Variants in GRIN2B observed in about 807,000 individuals in gnomAD.
GRIN2B encodes glutamate receptor ionotropic, NMDA 2B.
Under a neutral mutation model 114.5 loss-of-function variants are expected in GRIN2B, and 5 were observed. The ratio of observed to expected loss-of-function variants is 0.04; its 90% CI spans 0.02 to 0.09. The LOEUF (loss-of-function observed/expected upper bound fraction) is 0.09. Ranked by LOEUF, GRIN2B falls within the 10% of genes least tolerant of loss-of-function variation. The pLI, the probability that GRIN2B is intolerant of heterozygous loss-of-function variation, is 1.00. For missense variants in GRIN2B, 1,108 were observed against 1,943.5 expected, an observed-to-expected ratio of 0.57 and a Z score of 8.08; for synonymous variants, 787 against 745.1, an observed-to-expected ratio of 1.06 and a Z score of -0.92.
At chr12:13,740,496 T>C (rs1227399434) in intron 4 of GRIN2B, among the ~76,000 whole-genome samples, 3 of 151,964 alleles carry the variant, frequency 2.0e-5, no homozygotes, top group African/African-American at 7.3e-5. Flanking sequence ...CATTTTCTTT[T>C]TTTTTTTTTT....
chr12:13,664,452 T>C (rs1204061482), intron 5 of GRIN2B, among the ~76,000 whole-genome samples: 1 of 152,150 alleles, frequency 6.6e-6, no homozygotes, highest in African/African-American at 2.4e-5. Context: ...AATATATGTA[T>C]CAAAAAATTC....
intron 4 of GRIN2B, among the ~76,000 whole-genome samples, chr12:13,680,864 A>G (rs760028390): frequency 6.6e-6 from 1 of 152,110 alleles, no homozygotes; most frequent in Non-Finnish European, 1.5e-5. Flanking sequence ...AACAAAATCT[A>G]TCTTAGATGA....
intron 3 of GRIN2B, among the ~76,000 whole-genome samples, chr12:13,845,383 C>T (rs969443518): frequency 1.3e-5 from 2 of 152,088 alleles, no homozygotes; most frequent in African/African-American, 4.8e-5. Flanking sequence ...TCATATCCTC[C>T]CTCCCTACCC....
chr12:13,641,753 C>G (rs546507098), intron 5 of GRIN2B, among the ~76,000 whole-genome samples: 3 of 152,246 alleles, frequency 2.0e-5, no homozygotes, highest in African/African-American at 7.2e-5. Flanking sequence ...TAGGCAGGTG[C>G]TTTAATGAAG....
Position 13,542,039 on chromosome 12 carries a change from C to T in GRIN2B, c.*20744G>A, listed in dbSNP as rs1363305162. 1 of 152,156 alleles carries T rather than the reference C, an allele frequency of 6.6e-6. No individual in the cohort carries two copies. Among genetic ancestry groups the T allele is most frequent in the Non-Finnish European group, 1.5e-5 (1 of 68,044 alleles). The allele number at this position is 152,156 out of a possible 1,614,324, so 9.4% of individuals were successfully genotyped here. A position where few individuals can be genotyped will look rare whatever the true frequency, so the allele number is the denominator to read the frequency against. ...CTCACTTACCCCCTTTTCATGCAGC[C>T]CCACTCAGAGTCCTTTTCTTTCTAA... On this transcript the variant is annotated 3_prime_UTR_variant, in exon 14 of 14. Transcript: ENST00000609686.
chr12:13,672,542 C>G (rs569742766), intron 5 of GRIN2B, among the ~76,000 whole-genome samples: 1 of 152,132 alleles, frequency 6.6e-6, no homozygotes, highest in South Asian at 2.1e-4. Context: ...TGCAATCTCA[C>G]CACAACCCAG....
intron 3 of GRIN2B, among the ~76,000 whole-genome samples, chr12:13,844,979 G>A (rs1591763748): frequency 6.6e-6 from 1 of 152,156 alleles, no homozygotes; most frequent in African/African-American, 2.4e-5. Flanking sequence ...TTTCCAGTAT[G>A]AATTTCTGCT....
At chr12:13,915,345 C>T (rs2136804883) in intron 2 of GRIN2B, among the ~76,000 whole-genome samples, 1 of 152,322 alleles carries the variant, frequency 6.6e-6, no homozygotes, top group South Asian at 2.1e-4. Flanking sequence ...TCTTCACTAG[C>T]TATGTTTCGA....
At chr12:13,959,799 T>G (rs1288319690) in intron 2 of GRIN2B, among the ~76,000 whole-genome samples, 6 of 150,418 alleles carry the variant, frequency 4.0e-5, no homozygotes, top group African/African-American at 1.5e-4. Flanking sequence ...CTTCACCATT[T>G]CCAATATTGG....
chr12:13,686,714 T>G (rs1170501630), intron 4 of GRIN2B, among the ~76,000 whole-genome samples: 1 of 152,134 alleles, frequency 6.6e-6, no homozygotes, highest in African/African-American at 2.4e-5. Context: ...ACCCTTGTAA[T>G]CTTTGCTTTT....
chr12:13,847,218 AT>A (rs1865486375), intron 3 of GRIN2B, among the ~76,000 whole-genome samples: 2 of 152,178 alleles, frequency 1.3e-5, no homozygotes, highest in African/African-American at 4.8e-5. Context: ...AAAAATTTAT[AT>A]TATTATTCCT....
At chr12:13,762,061 T>A (rs1296909118) in intron 3 of GRIN2B, among the ~76,000 whole-genome samples, 2 of 152,158 alleles carry the variant, frequency 1.3e-5, no homozygotes, top group Non-Finnish European at 2.9e-5. Context: ...TGGAGTGCAG[T>A]GGTGCAATCT....
Position 13,927,784 on chromosome 12 carries a change from A to G in GRIN2B, c.-19+52144T>C, listed in dbSNP as rs148484132. Among the ~76,000 whole-genome samples, 1,037 of 150,596 alleles carry G rather than the reference A, an allele frequency of 6.9e-3. 8 individuals are homozygous for G. The highest frequency in any genetic ancestry group is 0.024 in the African/African-American group (993 of 40,904). On this transcript the variant is annotated intron_variant, in intron 2 of 13. Transcript: ENST00000609686. The stretch of plus-strand genomic sequence containing the variant: ...GCCTGGGCTACATAATGAGACCCCC[A>G]TCTCTACAAAAAAAATAAAAATTAA...
chr12:13,950,173 T>C (rs1018291275), intron 2 of GRIN2B, among the ~76,000 whole-genome samples: 1 of 152,224 alleles, frequency 6.6e-6, no homozygotes, highest in East Asian at 1.9e-4. Context: ...TATGGAAGAA[T>C]AGCCAGTCAA....
At chr12:13,692,428 A>T (rs1052724725) in intron 4 of GRIN2B, among the ~76,000 whole-genome samples, 3 of 152,132 alleles carry the variant, frequency 2.0e-5, no homozygotes, top group Non-Finnish European at 2.9e-5. Context: ...GTTTCCTTAC[A>T]TTGATGAGAA....
intron 3 of GRIN2B, among the ~76,000 whole-genome samples, chr12:13,856,745 C>T (rs1236023580): frequency 6.6e-6 from 1 of 152,138 alleles, no homozygotes; most frequent in African/African-American, 2.4e-5. Context: ...CAGGGTTCTG[C>T]CCTTGACCCA....
At chr12:13,929,465 C>G (rs1248626523) in intron 2 of GRIN2B, among the ~76,000 whole-genome samples, 1 of 152,198 alleles carries the variant, frequency 6.6e-6, no homozygotes, top group Non-Finnish European at 1.5e-5. Context: ...TAGTCTCAGC[C>G]CAGATCCAAT....
At chr12:13,641,694 G>C (rs561976048) in intron 5 of GRIN2B, among the ~76,000 whole-genome samples, 244 of 152,216 alleles carry the variant, frequency 1.6e-3, no homozygotes, top group South Asian at 0.011. Context: ...ATCCAGGACT[G>C]AGCCCTGTGC....
At chr12:13,637,076 G>A (rs11055560) in intron 5 of GRIN2B, among the ~76,000 whole-genome samples, 35,685 of 152,030 alleles carry the variant, frequency 0.23, 5,355 homozygotes, top group Middle Eastern at 0.42. Flanking sequence ...ATGAGTAGGT[G>A]GGCATAAGAG....
Sources: gnomAD v4.1 joint callset for allele counts (sites outside exome capture counted in the v4.1 genomes callset) on GRCh38, gnomAD v4.1.1 for gene constraint, MANE v1.5 for transcripts, NCBI Gene and HGNC (gene_info 2026-07-23, HGNC 2026-07-21) for gene names.